Variants in KIAA1217 observed in about 807,000 individuals in gnomAD.
KIAA1217 encodes KIAA1217, also known as sickle tail protein homolog.
KIAA1217 carries 88 observed loss-of-function variants against 163.9 expected under a neutral mutation model. That is an observed-to-expected ratio of 0.54 (90% CI 0.45 to 0.64). KIAA1217 has a LOEUF of 0.64. KIAA1217 is among the 30% of genes least tolerant of loss of function. The pLI is 0.00. For synonymous variants in KIAA1217, 903 were observed against 923.1 expected (o/e 0.98, Z 0.39); for missense variants, 2,372 against 2,475.0 (o/e 0.96, Z 0.88).
At chr10:24,250,362 A>C (rs867317713) in intron 2 of KIAA1217, among the ~76,000 whole-genome samples, 86 of 151,870 alleles carry the variant, frequency 5.7e-4, no homozygotes, top group African/African-American at 2.0e-3. Context: ...ACTCCCAAAC[A>C]CACAGAATGC....
At chr10:23,920,506 G>A (rs574677506) in intron 1 of KIAA1217, among the ~76,000 whole-genome samples, 7 of 152,290 alleles carry the variant, frequency 4.6e-5, no homozygotes, top group South Asian at 2.1e-4. Flanking sequence ...CTTGTGGTGC[G>A]TCATCAGATC....
chr10:24,067,609 C>T (rs2061008714), intron 2 of KIAA1217, among the ~76,000 whole-genome samples: 1 of 152,224 alleles, frequency 6.6e-6, no homozygotes, highest in Non-Finnish European at 1.5e-5. Flanking sequence ...CTTGAGGAGG[C>T]AGTCTGTCCG....
intron 2 of KIAA1217, among the ~76,000 whole-genome samples, chr10:24,064,755 T>C (rs534918406): frequency 1.3e-5 from 2 of 152,356 alleles, no homozygotes; most frequent in Non-Finnish European, 2.9e-5. Context: ...AATTTGGCTG[T>C]GAATCCATCT....
intron 1 of KIAA1217, among the ~76,000 whole-genome samples, chr10:23,739,077 A>C (rs1295417890): frequency 6.6e-6 from 1 of 152,232 alleles, no homozygotes; most frequent in Non-Finnish European, 1.5e-5. Flanking sequence ...TATAAAAAGG[A>C]ATTAAGTCAT....
At chr10:24,080,601 T>C (rs576112641) in intron 2 of KIAA1217, among the ~76,000 whole-genome samples, 1 of 152,334 alleles carries the variant, frequency 6.6e-6, no homozygotes, top group African/African-American at 2.4e-5. Context: ...GTCTCCATTT[T>C]AAGATTCAAA....
chr10:23,822,024 A>T (rs548083397), intron 1 of KIAA1217, among the ~76,000 whole-genome samples: 1 of 152,106 alleles, frequency 6.6e-6, no homozygotes, highest in African/African-American at 2.4e-5. Flanking sequence ...ATCCCATCAG[A>T]TCTCCTAGAC....
intron 2 of KIAA1217, among the ~76,000 whole-genome samples, chr10:24,018,823 C>A (rs1295115736): frequency 6.6e-6 from 1 of 152,040 alleles, no homozygotes; most frequent in Non-Finnish European, 1.5e-5. Flanking sequence ...AAGTGTCCAT[C>A]AATGGATGAA....
intron 2 of KIAA1217, among the ~76,000 whole-genome samples, chr10:24,291,506 G>T (rs2079088012): frequency 6.6e-6 from 1 of 152,082 alleles, no homozygotes; most frequent in Admixed American, 6.6e-5. Context: ...CTCCAGCTTG[G>T]GCAACAAGAG....
chr10:23,864,523 A>AACAC (rs10544205), intron 1 of KIAA1217, among the ~76,000 whole-genome samples: 3,933 of 147,278 alleles, frequency 0.027, 167 homozygotes, highest in African/African-American at 0.09. Flanking sequence ...TACACACACC[A>AACAC]ACACACACAC....
At chr10:23,996,076 T>C (rs1183834548) in intron 1 of KIAA1217, among the ~76,000 whole-genome samples, 1 of 152,030 alleles carries the variant, frequency 6.6e-6, no homozygotes, top group African/African-American at 2.4e-5. Context: ...AGCAAAGAGG[T>C]ATGTGTCTGG....
chr10:24,134,174 C>A (rs2063753956), intron 2 of KIAA1217, among the ~76,000 whole-genome samples: 1 of 152,066 alleles, frequency 6.6e-6, no homozygotes, highest in Non-Finnish European at 1.5e-5. Flanking sequence ...ATGCACCAGA[C>A]CTTAAAGATA....
At position 24,391,117 on chromosome 10, in the gene KIAA1217, A is replaced by G. The variant is rs111637782; in HGVS notation, c.553+10050A>G. 2.4e-3 allele frequency among the ~76,000 whole-genome samples: 359 copies of G among 152,312 alleles called. 1 individual carries two copies. The highest frequency in any genetic ancestry group is 8.2e-3 in the African/African-American group (339 of 41,570). On this transcript the variant is annotated intron_variant, in intron 3 of 20. Transcript: ENST00000376454. ...AGAGATTCTATGCCTTTTACCAAAA[A>G]AAATATATCTTCTAGGATTACTTTG... is the stretch of plus-strand genomic sequence containing the variant.
intron 2 of KIAA1217, among the ~76,000 whole-genome samples, chr10:24,036,123 G>A (rs1848389453): frequency 6.6e-6 from 1 of 152,190 alleles, no homozygotes; most frequent in African/African-American, 2.4e-5. Flanking sequence ...TCCTTCACTG[G>A]GGTAGCCAAA....
chr10:23,761,206 A>G (rs1047823066), intron 1 of KIAA1217, among the ~76,000 whole-genome samples: 3 of 152,176 alleles, frequency 2.0e-5, no homozygotes, highest in Admixed American at 2.0e-4. Flanking sequence ...TTCAAGTCCA[A>G]CCTAGGCAAC....
At chr10:24,065,233 T>C (rs2060891514) in intron 2 of KIAA1217, among the ~76,000 whole-genome samples, 1 of 152,194 alleles carries the variant, frequency 6.6e-6, no homozygotes, top group Non-Finnish European at 1.5e-5. Flanking sequence ...AATTGTGACG[T>C]TAGGGTGTCA....
chr10:24,321,508 G>A (rs2044154045), intron 2 of KIAA1217, among the ~76,000 whole-genome samples: 2 of 152,188 alleles, frequency 1.3e-5, no homozygotes, highest in South Asian at 2.1e-4. Flanking sequence ...ACTCCAGCCT[G>A]GGTAACAGAG....
At chr10:24,130,330 C>T (rs1004589949) in intron 2 of KIAA1217, among the ~76,000 whole-genome samples, 1 of 152,150 alleles carries the variant, frequency 6.6e-6, no homozygotes, top group Admixed American at 6.5e-5. Context: ...TCACGATTTC[C>T]TATGTAAAAA....
At chr10:24,122,887 T>G (rs2063334503) in intron 2 of KIAA1217, among the ~76,000 whole-genome samples, 1 of 151,702 alleles carries the variant, frequency 6.6e-6, no homozygotes, top group South Asian at 2.1e-4. Context: ...TTAAATATTT[T>G]AATATAAAAA....
At chr10:24,171,046 T>C (rs777805262) in intron 2 of KIAA1217, among the ~76,000 whole-genome samples, 2 of 152,202 alleles carry the variant, frequency 1.3e-5, no homozygotes, top group Non-Finnish European at 1.5e-5. Context: ...TACTAACCCA[T>C]TGGGGACCCC....
Sources: gnomAD v4.1 joint callset for allele counts (sites outside exome capture counted in the v4.1 genomes callset) on GRCh38, gnomAD v4.1.1 for gene constraint, MANE v1.5 for transcripts, NCBI Gene and HGNC (gene_info 2026-07-23, HGNC 2026-07-21) for gene names.